ADCY9: variants seen among roughly 807,000 people sequenced by gnomAD.
ADCY9 encodes the protein adenylate cyclase type 9.
In ADCY9, 50 loss-of-function variants were observed where a neutral mutation model predicts 101.5. That is an observed-to-expected ratio of 0.49 (90% CI 0.39 to 0.62). ADCY9 has a LOEUF of 0.62. Among genes scored for constraint, ADCY9 ranks in the 20% least tolerant of loss-of-function variants. The probability of loss-of-function intolerance (pLI) is 0.00; values close to 1 mark genes in which losing one functional copy is unlikely to be tolerated. For missense variants in ADCY9, 1,662 were observed against 1,800.4 expected, an observed-to-expected ratio of 0.92 and a Z score of 1.39; for synonymous variants, 905 against 769.3, an observed-to-expected ratio of 1.18 and a Z score of -2.92.
chr16:4,058,467 G>GAA (rs112044690), intron 2 of ADCY9, among the ~76,000 whole-genome samples: 6 of 94,858 alleles, frequency 6.3e-5, no homozygotes, highest in Non-Finnish European at 6.9e-5. Context: ...TTGTCTCCAA[G>GAA]AAAAAAAAAA....
At chr16:4,106,766 G>A (rs919308061) in intron 2 of ADCY9, among the ~76,000 whole-genome samples, 2 of 152,228 alleles carry the variant, frequency 1.3e-5, no homozygotes, top group African/African-American at 4.8e-5. Flanking sequence ...ATTAATGTGG[G>A]TTGGTTGGTT....
Position 3,966,082 on chromosome 16 carries a change from G to A in ADCY9, c.3755C>T (p.Pro1252Leu), listed in dbSNP as rs780077845. ...TGGGGAGATGGACAGCTGGTGCTGT[G>A]GGATGACCCTGTGATCCGTGCACTT... ...YPKCTDHRVIPQHQLSISPDI... is the reference protein window; with the variant it reads ...YPKCTDHRVILQHQLSISPDI... Residue 1252 changes from proline to leucine, a missense_variant, in exon 11 of 11, where the codon CCA (proline) becomes CTA (leucine). Pro to Leu is a moderately conservative substitution (Grantham distance 98). Coordinates refer to ENST00000294016, the MANE Select transcript of ADCY9 (RefSeq NM_001116.4). 2 of 1,614,102 alleles carry A rather than the reference G, an allele frequency of 1.2e-6. No individual in the cohort carries two copies. The highest frequency in any genetic ancestry group is 2.2e-5 in the East Asian group (1 of 44,890).
intron 5 of ADCY9, among the ~76,000 whole-genome samples, chr16:3,990,863 G>A (rs1187681261): frequency 6.6e-6 from 1 of 152,162 alleles, no homozygotes; most frequent in South Asian, 2.1e-4. Flanking sequence ...GCAGTGCTGC[G>A]ATCTCAGCTC....
intron 2 of ADCY9, among the ~76,000 whole-genome samples, chr16:4,057,221 G>A (rs2056746026): frequency 1.3e-5 from 2 of 152,038 alleles, no homozygotes; most frequent in African/African-American, 2.4e-5. Flanking sequence ...GCTCACTGCA[G>A]CCTCCAACCC....
rs569532798 is a variant in ADCY9 at position 3,954,485 on chromosome 16, G to C, written c.568-969C>G. 2.6e-5 allele frequency among the ~76,000 whole-genome samples: 4 copies of C among 152,336 alleles called. No individual in the cohort carries two copies. The South Asian group carries it at 8.3e-4, about 32-fold the overall frequency. The stretch of plus-strand genomic sequence containing the variant: ...GAACTCCCAGCTCGCAGCTCGGGCA[G>C]CTGCCTGGTGCTGAAACCAGAAGGG... On this transcript the variant is annotated intron_variant, in intron 5 of 5. Coordinates refer to the ADCY9 transcript ENST00000576936.
At chr16:4,027,557 G>A (rs1223866944) in intron 2 of ADCY9, among the ~76,000 whole-genome samples, 1 of 152,176 alleles carries the variant, frequency 6.6e-6, no homozygotes, top group East Asian at 1.9e-4. Flanking sequence ...GAGAGAGAGT[G>A]TGTGCAGGGG....
At chr16:4,074,803 C>T (rs957094355) in intron 2 of ADCY9, among the ~76,000 whole-genome samples, 6 of 151,440 alleles carry the variant, frequency 4.0e-5, no homozygotes, top group South Asian at 2.1e-4. Flanking sequence ...AAAAGCAGTT[C>T]GGTATTTCTT....
rs2057152949 is a variant in ADCY9 at position 4,116,417 on chromosome 16, CG to C, written c.-772del. ...GAAGAGCTGCCGCCGCCACCATCTC[CG>C]GCCCCTGCCCCGCCCGCTGTCACTG... On this transcript the variant is annotated 5_prime_UTR_variant, in exon 1 of 11. Coordinates refer to ENST00000294016, the MANE Select transcript of ADCY9 (RefSeq NM_001116.4). 6.8e-6 allele frequency among the ~76,000 whole-genome samples: 1 copy of C among 146,058 alleles called. No individual in the cohort carries two copies. The highest frequency in any genetic ancestry group is 2.5e-5 in the African/African-American group (1 of 40,780).
rs185883062 is a variant in ADCY9 at position 4,099,674 on chromosome 16, T to C, written c.1693+14076A>G. ...ATCTGAGCATCAAAAATCATGTATC[T>C]GTAATGGAATGAAATACATCAAATA... On this transcript the variant is annotated intron_variant, in intron 2 of 10. Transcript: ENST00000294016. Among the ~76,000 whole-genome samples the C allele has an allele frequency of 5.3e-5, 8 of 152,312 alleles. No homozygotes were observed. The East Asian group carries it at 1.5e-3, about 29-fold the overall frequency.
intron 6 of ADCY9, among the ~76,000 whole-genome samples, chr16:3,986,161 G>C (rs932846289): frequency 6.6e-6 from 1 of 152,224 alleles, no homozygotes; most frequent in African/African-American, 2.4e-5. Context: ...TGATACCCAC[G>C]CGTCCATGCC....
At chr16:4,086,995 C>G (rs74005722) in intron 2 of ADCY9, among the ~76,000 whole-genome samples, 6,232 of 152,000 alleles carry the variant, frequency 0.041, 442 homozygotes, top group African/African-American at 0.14. Context: ...AATCAAGGTG[C>G]TGCTCCTTCT....
intron 2 of ADCY9, among the ~76,000 whole-genome samples, chr16:4,093,271 T>C (rs1271725956): frequency 3.9e-5 from 6 of 152,220 alleles, no homozygotes; most frequent in Non-Finnish European, 8.8e-5. Flanking sequence ...GCAAATGAGG[T>C]TGGTTTCATA....
chr16:4,022,683 A>G (rs1376947100), intron 2 of ADCY9, among the ~76,000 whole-genome samples: 1 of 151,712 alleles, frequency 6.6e-6, no homozygotes, highest in African/African-American at 2.4e-5. Context: ...AATCCCCGCA[A>G]TTTGGGAGGC....
At chr16:4,030,624 AC>A (rs2056549117) in intron 2 of ADCY9, among the ~76,000 whole-genome samples, 1 of 151,892 alleles carries the variant, frequency 6.6e-6, no homozygotes, top group African/African-American at 2.4e-5. Context: ...AATCACTTGA[AC>A]CTGGGAGGTG....
chr16:4,092,666 C>A (rs2056980787), intron 2 of ADCY9, among the ~76,000 whole-genome samples: 1 of 152,118 alleles, frequency 6.6e-6, no homozygotes, highest in African/African-American at 2.4e-5. Context: ...CTTAATAATA[C>A]ACTAAAAATA....
intron 3 of ADCY9, among the ~76,000 whole-genome samples, chr16:4,005,403 T>A (rs982358795): frequency 2.6e-5 from 4 of 152,154 alleles, no homozygotes; most frequent in Admixed American, 6.6e-5. Flanking sequence ...ATTTTTAAAA[T>A]TTTTTTGTAG....
intron 2 of ADCY9, among the ~76,000 whole-genome samples, chr16:4,104,278 C>T (rs1313863342): frequency 1.3e-5 from 2 of 152,144 alleles, no homozygotes; most frequent in Admixed American, 1.3e-4. Context: ...CTGACGTCAA[C>T]ATGTGGAAGA....
intron 2 of ADCY9, among the ~76,000 whole-genome samples, chr16:4,009,913 G>A (rs1014793715): frequency 1.3e-5 from 2 of 152,208 alleles, no homozygotes; most frequent in African/African-American, 2.4e-5. Context: ...TCCTTCCCAT[G>A]ACTCCTGAGT....
intron 2 of ADCY9, among the ~76,000 whole-genome samples, chr16:4,084,331 C>T (rs1261911431): frequency 2.0e-5 from 3 of 151,760 alleles, no homozygotes; most frequent in South Asian, 2.1e-4. Flanking sequence ...AGGCTGGTCT[C>T]GAACTCCTGA....
Sources: gnomAD v4.1 joint callset for allele counts (sites outside exome capture counted in the v4.1 genomes callset) on GRCh38, gnomAD v4.1.1 for gene constraint, MANE v1.5 for transcripts, NCBI Gene and HGNC (gene_info 2026-07-23, HGNC 2026-07-21) for gene names.